Variants in CRHR1 observed in about 807,000 individuals in gnomAD.
CRHR1 encodes corticotropin-releasing hormone receptor 1.
In CRHR1, 28 loss-of-function variants were observed where a neutral mutation model predicts 56.0. The observed-to-expected ratio is 0.50, with a 90% CI of 0.37 to 0.69. The LOEUF (loss-of-function observed/expected upper bound fraction) is 0.69, where lower values mean the gene tolerates loss of function less well. Ranked by LOEUF, CRHR1 falls within the 30% of genes least tolerant of loss-of-function variation. The pLI is 0.00. For synonymous variants in CRHR1, 195 were observed against 216.5 expected, an observed-to-expected ratio of 0.90 and a Z score of 0.87; for missense variants, 376 against 548.0, an observed-to-expected ratio of 0.69 and a Z score of 3.13.
At chr17:45,815,421 C>T (rs1478727066) in intron 2 of CRHR1, among the ~76,000 whole-genome samples, 1 of 152,204 alleles carries the variant, frequency 6.6e-6, no homozygotes, top group Admixed American at 6.5e-5. Context: ...CTCTCTCTCG[C>T]GTGCTCTCTC....
rs771116141 is a variant in CRHR1 at position 45,830,503 on chromosome 17, C to T, written c.642C>T (p.His214=). 6.2e-7 allele frequency: 1 copy of T among 1,613,746 alleles called. No individual in the cohort carries two copies. Among genetic ancestry groups the T allele is most frequent in the South Asian group, 1.1e-5 (1 of 91,086 alleles). ...FWMFGEGCYL[H]TAIVLTYSTD... ...TGTTCGGCGAGGGCTGCTACCTGCA[C>T]ACAGCCATCGTGCTCACCTACTCCA... is the stretch of plus-strand genomic sequence containing the variant. Residue 214 remains histidine (H), a synonymous_variant, in exon 7 of 13, where the codon CAC becomes CAT. Coordinates refer to ENST00000314537, the MANE Select transcript of CRHR1 (RefSeq NM_004382.5).
At chr17:45,825,214 A>G (rs242952) in intron 4 of CRHR1, among the ~76,000 whole-genome samples, 152,241 of 152,300 alleles carry the variant, frequency 1, 76,091 homozygotes, top group Middle Eastern at 1. Context: ...TGGGACTTGC[A>G]AGGGCACCTC....
chr17:45,830,812 T>G, intron 7 of CRHR1, 68 bp from the exon 8 acceptor site: 1 of 1,511,252 alleles, frequency 6.6e-7, no homozygotes, highest in Non-Finnish European at 9.1e-7. Context: ...TGGGCTGCAC[T>G]GGGGTTCTCC....
intron 2 of CRHR1, among the ~76,000 whole-genome samples, chr17:45,810,589 C>T (rs2061803522): frequency 6.6e-6 from 1 of 152,134 alleles, no homozygotes; most frequent in Admixed American, 6.5e-5. Context: ...TGTAGTCAGC[C>T]GTCTAGGGGT....
At chr17:45,794,978 T>G (rs907686472) in intron 1 of CRHR1, among the ~76,000 whole-genome samples, 1 of 152,230 alleles carries the variant, frequency 6.6e-6, no homozygotes, top group African/African-American at 2.4e-5. Context: ...CTTTCTGGGC[T>G]GCCTCATTCC....
intron 3 of CRHR1, among the ~76,000 whole-genome samples, chr17:45,818,029 C>T (rs2061964437): frequency 6.6e-6 from 1 of 152,198 alleles, no homozygotes; most frequent in Non-Finnish European, 1.5e-5. Flanking sequence ...GGGCTGAGTC[C>T]TTCTGGAGCC....
At chr17:45,829,110 C>G (rs1002332257) in intron 4 of CRHR1, 105 bp from the exon 5 acceptor site, 65 of 836,684 alleles carry the variant, frequency 7.8e-5, no homozygotes, top group Non-Finnish European at 1.1e-4. Context: ...GGGAGTGGCC[C>G]TTGAGATCAT....
chr17:45,793,153 G>A (rs893046075), intron 1 of CRHR1, among the ~76,000 whole-genome samples: 3 of 152,212 alleles, frequency 2.0e-5, no homozygotes, highest in Admixed American at 6.5e-5. Flanking sequence ...GTGACTCAAC[G>A]GCTTATCAAG....
chr17:45,799,491 G>C (rs2061580950), intron 1 of CRHR1: 1 of 152,170 alleles, frequency 6.6e-6, no homozygotes, highest in Non-Finnish European at 1.5e-5. Flanking sequence ...TCTTGCCTTT[G>C]CTTAAAATAG....
rs774745972 is a variant in CRHR1, at chr17:45,830,466, ACTT to A, written c.611_613del (p.Phe204del). 11 of 1,613,382 alleles carry A rather than the reference ACTT, an allele frequency of 6.8e-6. No individual in the cohort carries two copies. The highest frequency in any genetic ancestry group is 1.1e-5 in the South Asian group (1 of 91,062). Reference sequence around the variant, plus strand: ...GCCTACAACTACTTCCATGTGACCAACTTCTTCTGGATGTTCGGCGAGGGCTGC... The same window carrying A: ...GCCTACAACTACTTCCATGTGACCAACTTCTGGATGTTCGGCGAGGGCTGC... On this transcript the variant is annotated inframe_deletion, in exon 7 of 13. Transcript: ENST00000314537.
intron 1 of CRHR1, among the ~76,000 whole-genome samples, chr17:45,806,428 C>T (rs28365154): frequency 6.6e-6 from 1 of 152,182 alleles, no homozygotes. Flanking sequence ...TTTAGTGTCA[C>T]GGCAGATGTA....
chr17:45,802,628 C>T (rs1045826551), intron 1 of CRHR1, among the ~76,000 whole-genome samples: 9 of 152,168 alleles, frequency 5.9e-5, no homozygotes, highest in African/African-American at 1.7e-4. Context: ...CAGACCTTTC[C>T]AGAGAGGAAA....
At chr17:45,833,296 T>G in intron 9 of CRHR1, 86 bp downstream of exon 9, 1 of 1,505,804 alleles carries the variant, frequency 6.6e-7, no homozygotes, top group Admixed American at 1.7e-5. Context: ...CTCCTCTACC[T>G]AGAGGTGGGG....
intron 2 of CRHR1, among the ~76,000 whole-genome samples, chr17:45,810,644 C>T (rs889575763): frequency 6.6e-6 from 1 of 152,178 alleles, no homozygotes; most frequent in Non-Finnish European, 1.5e-5. Context: ...TAGGTTTGCA[C>T]ACGGCCCCAT....
chr17:45,792,210 C>T (rs1270257432), intron 1 of CRHR1, among the ~76,000 whole-genome samples: 1 of 152,184 alleles, frequency 6.6e-6, no homozygotes, highest in African/African-American at 2.4e-5. Flanking sequence ...AAGGCTGGTC[C>T]TTGGAGGGAG....
At chr17:45,785,815 GC>G (rs941480617) in intron 1 of CRHR1, among the ~76,000 whole-genome samples, 2 of 152,202 alleles carry the variant, frequency 1.3e-5, no homozygotes, top group Admixed American at 1.3e-4. Flanking sequence ...CTCTAATCCT[GC>G]CCCTCCCCAA....
chr17:45,833,218 C>T lies in CRHR1; in HGVS notation c.843+8C>T, dbSNP rs1421802519. ...ATGATCCTGGTCCTGCTGGTAAGAA[C>T]CTGGGTAGGGGCAGGAGACAGGGCC... On this transcript the variant is annotated splice_region_variant and intron_variant, in intron 9 of 12. Coordinates refer to ENST00000314537, the MANE Select transcript of CRHR1 (RefSeq NM_004382.5). 2 of 1,613,810 alleles carry T rather than the reference C, an allele frequency of 1.2e-6. No homozygotes were observed. Among genetic ancestry groups the T allele is most frequent in the Non-Finnish European group, 1.7e-6 (2 of 1,179,770 alleles).
chr17:45,828,165 G>T (rs563071262), intron 4 of CRHR1, among the ~76,000 whole-genome samples: 12 of 152,324 alleles, frequency 7.9e-5, no homozygotes, highest in African/African-American at 2.9e-4. Context: ...TGCTTCTTGG[G>T]ACCTATAAAA....
chr17:45,806,932 G>A lies in CRHR1; in HGVS notation c.34-78G>A, dbSNP rs542910146. On this transcript the variant is annotated intron_variant, in intron 1 of 12. Transcript: ENST00000314537. ...AGGCAGGTGCAGTGTCACCCCTGCA[G>A]TTTTCCTGGGTGATGGAGCAACATG... 1.7e-5 allele frequency: 23 copies of A among 1,348,316 alleles called. No individual in the cohort carries two copies. In the East Asian group the frequency reaches 5.4e-4, roughly 32 times the overall value. 83.5% of individuals were successfully genotyped at this position (1,348,316 alleles called of 1,614,324 possible).
Sources: gnomAD v4.1 joint callset for allele counts (sites outside exome capture counted in the v4.1 genomes callset) on GRCh38, gnomAD v4.1.1 for gene constraint, MANE v1.5 for transcripts, NCBI Gene and HGNC (gene_info 2026-07-23, HGNC 2026-07-21) for gene names.